SSH1: variants seen among roughly 807,000 people sequenced by gnomAD.
The protein encoded by SSH1 is protein phosphatase Slingshot homolog 1.
A neutral mutation model predicts 79.7 loss-of-function variants in SSH1; 43 were observed. The ratio of observed to expected loss-of-function variants is 0.54; its 90% CI spans 0.42 to 0.70. The LOEUF (loss-of-function observed/expected upper bound fraction) is 0.70. SSH1 is among the 30% of genes least tolerant of loss of function. SSH1 has a pLI of 0.00. For missense variants in SSH1, 1,206 were observed against 1,358.8 expected, an observed-to-expected ratio of 0.89 and a Z score of 1.77; for synonymous variants, 599 against 538.3, an observed-to-expected ratio of 1.11 and a Z score of -1.56.
rs114490813 is a variant in SSH1 at position 108,854,655 on chromosome 12, G to A, written c.70-1977C>T. On this transcript the variant is annotated intron_variant, in intron 1 of 14. Transcript: ENST00000326495. ...TGAAGAGTGATGACGTGACTTGGGG[G>A]TACGGACTTCACAATCATTTAACTC... Among the ~76,000 whole-genome samples the A allele has an allele frequency of 5.1e-3, 782 of 152,306 alleles. 12 individuals carry two copies. Among genetic ancestry groups the A allele is most frequent in the African/African-American group, 0.018 (752 of 41,558 alleles).
intron 4 of SSH1, among the ~76,000 whole-genome samples, chr12:108,817,584 C>CAACACAACA (rs2037949295): frequency 6.6e-6 from 1 of 151,252 alleles, no homozygotes. Context: ...CAAACAACAA[C>CAACACAACA]AACACAACAA....
chr12:108,801,195 G>A (rs188402696), intron 11 of SSH1, among the ~76,000 whole-genome samples: 1 of 152,240 alleles, frequency 6.6e-6, no homozygotes, highest in Non-Finnish European at 1.5e-5. Context: ...AAGCATTCTG[G>A]AAAATTAAAT....
At chr12:108,799,748 A>G (rs1397061923) in intron 12 of SSH1, among the ~76,000 whole-genome samples, 1 of 152,232 alleles carries the variant, frequency 6.6e-6, no homozygotes, top group South Asian at 2.1e-4. Flanking sequence ...CGGCCGCAAA[A>G]AAAAGCCAGG....
chr12:108,821,714 T>C (rs912189293), intron 3 of SSH1, among the ~76,000 whole-genome samples: 25 of 152,192 alleles, frequency 1.6e-4, no homozygotes, highest in Non-Finnish European at 2.8e-4. Flanking sequence ...ACTGCCTCCT[T>C]GTACAGGACA....
chr12:108,836,583 T>G (rs1443384663), intron 2 of SSH1, among the ~76,000 whole-genome samples: 1 of 152,176 alleles, frequency 6.6e-6, no homozygotes. Context: ...AAGAGCAGAT[T>G]ATAAACCACT....
chr12:108,816,545 C>G (rs1365208913), intron 5 of SSH1, among the ~76,000 whole-genome samples: 1 of 152,178 alleles, frequency 6.6e-6, no homozygotes, highest in Non-Finnish European at 1.5e-5. Flanking sequence ...CACTTCAAGC[C>G]TCTGACTAGG....
intron 10 of SSH1, among the ~76,000 whole-genome samples, chr12:108,804,114 G>A (rs934202239): frequency 2.6e-5 from 4 of 152,020 alleles, no homozygotes; most frequent in African/African-American, 9.7e-5. Flanking sequence ...TAGAGACAAG[G>A]TCTCACTATG....
At position 108,782,997 on chromosome 12, in the gene SSH1, A is replaced by G. The variant is rs1039285302; in HGVS notation, c.*4991T>C. The G allele has an allele frequency of 1.3e-4, 20 of 152,212 alleles. No individual in the cohort carries two copies. Among genetic ancestry groups the G allele is most frequent in the African/African-American group, 4.6e-4 (19 of 41,458 alleles). The allele number at this position is 152,212 out of a possible 1,614,324, so 9.4% of individuals were successfully genotyped here. A position where few individuals can be genotyped will look rare whatever the true frequency, so the allele number is the denominator to read the frequency against. On this transcript the variant is annotated 3_prime_UTR_variant, in exon 15 of 15. Transcript: ENST00000326495. Reference sequence around the variant, plus strand: ...TGGTCTGTACCTACATTTTGTTGCAAAAGAGCTCAGGACACTAACAGAGAG... The same window carrying G: ...TGGTCTGTACCTACATTTTGTTGCAGAAGAGCTCAGGACACTAACAGAGAG...
chr12:108,806,345 T>C lies in SSH1; in HGVS notation c.781A>G (p.Ser261Gly), dbSNP rs2037272605. The change falls in exon 9 of 15, where the codon AGC (serine) becomes GGC (glycine). Residue 261 changes from serine to glycine, a missense_variant. By Grantham distance (56) the Ser-to-Gly change is moderately conservative. Around this residue, in one of 5 missense-constraint regions of SSH1, gnomAD observed 116 missense variants for 109.0 expected, o/e 1.06. Transcript: ENST00000326495. ...TERLIKAKLR[S>G]IMMSQDLENV... is the part of the protein sequence containing the mutation. ...TCTAGATCCTGGCTCATCATGATGC[T>C]TCGGAGCTTGGCTTTGATGAGGCGC... 1 of 1,614,164 alleles carries C rather than the reference T, an allele frequency of 6.2e-7. No individual in the cohort carries two copies. The highest frequency in any genetic ancestry group is 8.5e-7 in the Non-Finnish European group (1 of 1,180,040).
chr12:108,805,562 T>C, intron 9 of SSH1, among the ~76,000 whole-genome samples: 1 of 152,164 alleles, frequency 6.6e-6, no homozygotes, highest in East Asian at 1.9e-4. Flanking sequence ...AATGTATTCA[T>C]TAATTAAAAG....
Position 108,803,229 on chromosome 12 carries a change from C to T in SSH1, c.955-861G>A, listed in dbSNP as rs538217155. The stretch of plus-strand genomic sequence containing the variant: ...GGGACTACCTCTGGATTTGCGAGAT[C>T]GGGAATGCTTTTTTCTTCTTTAGAT... On this transcript the variant is annotated intron_variant, in intron 10 of 14. Transcript: ENST00000326495. Among the ~76,000 whole-genome samples the T allele has an allele frequency of 4.6e-5, 7 of 152,208 alleles. No homozygotes were observed. The East Asian group carries it at 7.7e-4, about 17-fold the overall frequency.
At position 108,792,595 on chromosome 12, in the gene SSH1, G is replaced by A. The variant is rs1167497322; in HGVS notation, c.1584C>T (p.Ser528=). 1 of 1,612,558 alleles carries A rather than the reference G, an allele frequency of 6.2e-7. No individual in the cohort carries two copies. Among genetic ancestry groups the A allele is most frequent in the Admixed American group, 1.7e-5 (1 of 59,972 alleles). Residue 528 remains serine (S), a synonymous_variant, in exon 14 of 15, where the codon AGC becomes AGT. Coordinates refer to ENST00000326495, the MANE Select transcript of SSH1 (RefSeq NM_018984.4). ...TCTCCGGATCCTCCAGGTGGACCAA[G>A]CTGCCAGTTTCATCCTCAGGGGAAG... is the stretch of plus-strand genomic sequence containing the variant. ...LLPSPEDETG[S]LVHLEDPERE... is the part of the protein sequence containing the mutation.
rs772675001 is a variant in SSH1, at chr12:108,852,664, G to T, written c.84C>A (p.Ser28Arg). The T allele has an allele frequency of 6.2e-6, 10 of 1,613,956 alleles. No individual in the cohort carries two copies. The African/African-American group carries it at 1.1e-4, about 17-fold the overall frequency. ...SASNSELEAG[S>R]EEDRKLNLSL... is the part of the protein sequence containing the mutation. ...TGAGGTTTAATTTTCGATCTTCTTC[G>T]CTGCCAGCCTCCAACTACAGAGAAA... Residue 28 changes from serine to arginine, a missense_variant, in exon 2 of 15, where the codon AGC becomes AGA. This residue lies in a region of SSH1 where 100 missense variants were observed against 82.3 expected (regional missense o/e 1.21). Coordinates refer to ENST00000326495, the MANE Select transcript of SSH1 (RefSeq NM_018984.4).
In SSH1 at chr12:108,788,135, G is replaced by A. The variant is rs760471908; in HGVS notation, c.3003C>T (p.Val1001=). ...DLSSEADPST[V]ADSQDTTLSE... ...TCAAAGTGGTGTCCTGGGAGTCAGC[G>A]ACGGTGGACGGGTCAGCCTCACTGG... Residue 1001 remains valine (V), a synonymous_variant, in exon 15 of 15, where the codon GTC becomes GTT. Coordinates refer to ENST00000326495, the MANE Select transcript of SSH1 (RefSeq NM_018984.4). 23 of 1,613,924 alleles carry A rather than the reference G, an allele frequency of 1.4e-5. No homozygotes were observed. In the African/African-American group the frequency reaches 1.7e-4, roughly 12 times the overall value.
Position 108,778,497 on chromosome 12 carries a change from A to G in SSH1, c.*9491T>C, listed in dbSNP as rs1038930518. 1.3e-5 allele frequency: 2 copies of G among 152,200 alleles called. No homozygotes were observed. The highest frequency in any genetic ancestry group is 2.4e-5 in the African/African-American group (1 of 41,450). The allele number at this position is 152,200 out of a possible 1,614,324, so 9.4% of individuals were successfully genotyped here. ...CGTTACCTAACCTCTCTGAGCATCC[A>G]CTGCTTCCTCTGTAAAACAGAATCA... On this transcript the variant is annotated 3_prime_UTR_variant, in exon 15 of 15. Coordinates refer to ENST00000326495, the MANE Select transcript of SSH1 (RefSeq NM_018984.4).
chr12:108,800,696 C>G, intron 12 of SSH1, 84 bp downstream of exon 12: 2 of 1,568,532 alleles, frequency 1.3e-6, no homozygotes, highest in South Asian at 2.2e-5. Flanking sequence ...CAGCCGACTT[C>G]TGCATCTGCA....
At chr12:108,801,943 G>A (rs746528041) in intron 11 of SSH1, among the ~76,000 whole-genome samples, 6 of 152,134 alleles carry the variant, frequency 3.9e-5, no homozygotes, top group Non-Finnish European at 5.9e-5. Flanking sequence ...GCTGACTAAC[G>A]CAACAGCCAG....
In SSH1 at chr12:108,814,354, T is replaced by C. The variant is rs189032409; in HGVS notation, c.401+2684A>G. Among the ~76,000 whole-genome samples the C allele has an allele frequency of 5.8e-3, 879 of 152,030 alleles. 5 individuals carry two copies. Among genetic ancestry groups the C allele is most frequent in the Middle Eastern group, 0.017 (5 of 294 alleles). On this transcript the variant is annotated intron_variant, in intron 5 of 14. Transcript: ENST00000326495. ...GGGGTAATGCTTGTCTCTTCCTTTT[T>C]TTTTTTGGCAGGGGGAATAAAAAAA...
In SSH1 at chr12:108,778,253, A is replaced by G. The variant is rs961216252; in HGVS notation, c.*9735T>C. ...ATAAGTACTTGCCCACAAGTTAAACAAACGCACGCATAAGTCCACAGGGGC... is the reference window on the plus strand; with the variant it reads ...ATAAGTACTTGCCCACAAGTTAAACGAACGCACGCATAAGTCCACAGGGGC... On this transcript the variant is annotated 3_prime_UTR_variant, in exon 15 of 15. Coordinates refer to ENST00000326495, the MANE Select transcript of SSH1 (RefSeq NM_018984.4). 2 of 152,210 alleles carry G rather than the reference A, an allele frequency of 1.3e-5. No individual in the cohort carries two copies. The highest frequency in any genetic ancestry group is 2.9e-5 in the Non-Finnish European group (2 of 68,042). The allele number at this position is 152,210 out of a possible 1,614,324, so 9.4% of individuals were successfully genotyped here.
Sources: allele counts gnomAD v4.1 joint callset (sites outside exome capture counted in the v4.1 genomes callset), GRCh38; gene constraint gnomAD v4.1.1; regional missense constraint gnomAD v4.1.1; transcripts MANE v1.5; gene names NCBI Gene and HGNC (gene_info 2026-07-23, HGNC 2026-07-21).